Variants in RIN2 observed in about 807,000 individuals in gnomAD.
RIN2 encodes RAB5 interacting protein 2.
Under a neutral mutation model 78.0 loss-of-function variants are expected in RIN2, and 36 were observed. That is an observed-to-expected ratio of 0.46 (90% CI 0.35 to 0.61). The LOEUF (loss-of-function observed/expected upper bound fraction) is 0.61, where lower values mean the gene tolerates loss of function less well. RIN2 is among the 20% of genes least tolerant of loss of function. RIN2 has a pLI of 0.00. For missense variants in RIN2, 1,087 were observed against 1,159.7 expected (o/e 0.94, Z 0.91); for synonymous variants, 466 against 466.8 (o/e 1.00, Z 0.02).
At chr20:19,862,058 AT>A (rs2037361707) in intron 2 of RIN2, among the ~76,000 whole-genome samples, 1 of 152,034 alleles carries the variant, frequency 6.6e-6, no homozygotes, top group Non-Finnish European at 1.5e-5. Flanking sequence ...ACCTGATCAG[AT>A]TTCTTCACTG....
intron 2 of RIN2, among the ~76,000 whole-genome samples, chr20:19,873,482 G>T (rs899340953): frequency 3.3e-5 from 5 of 152,134 alleles, no homozygotes; most frequent in Admixed American, 6.5e-5. Context: ...TGCAGGCCAC[G>T]TAGTCTCTGT....
At chr20:19,808,151 A>C (rs542567527) in intron 2 of RIN2, among the ~76,000 whole-genome samples, 1 of 152,378 alleles carries the variant, frequency 6.6e-6, no homozygotes, top group East Asian at 1.9e-4. Flanking sequence ...CTTACAGTGC[A>C]TTCTAATTAA....
At chr20:19,886,539 A>T in intron 2 of RIN2, 1 of 586,570 alleles carries the variant, frequency 1.7e-6, no homozygotes, top group Non-Finnish European at 3.0e-6. Context: ...GGTGTTGTTG[A>T]AAGGGCTTGG....
intron 2 of RIN2, chr20:19,823,360 T>A (rs2035985144): frequency 1.6e-6 from 1 of 608,404 alleles, no homozygotes; most frequent in South Asian, 2.0e-5. Flanking sequence ...AGCAAGTGAG[T>A]GAATGGTGGT....
intron 3 of RIN2, among the ~76,000 whole-genome samples, chr20:19,925,811 A>G (rs6046456): frequency 0.2 from 30,369 of 152,182 alleles, 3,756 homozygotes; most frequent in East Asian, 0.36. Flanking sequence ...CCCGGGGAGC[A>G]ATGTGGCACC....
intron 4 of RIN2, among the ~76,000 whole-genome samples, chr20:19,953,857 A>G (rs1188444483): frequency 1.3e-5 from 2 of 152,168 alleles, no homozygotes; most frequent in African/African-American, 4.8e-5. Context: ...AACTGCAAAT[A>G]TTCACTTCCC....
intron 2 of RIN2, among the ~76,000 whole-genome samples, chr20:19,856,062 A>G (rs2123233009): frequency 6.6e-6 from 1 of 152,332 alleles, no homozygotes; most frequent in Non-Finnish European, 1.5e-5. Flanking sequence ...TGACACAGCA[A>G]GACTCCTTCT....
Position 19,814,300 on chromosome 20 carries a change from A to G in RIN2, c.-37+14553A>G, listed in dbSNP as rs950067401. On this transcript the variant is annotated intron_variant, in intron 2 of 12. Coordinates refer to ENST00000255006, the MANE Select transcript of RIN2 (RefSeq NM_018993.4). ...CAATCCAGCCGCTTGCCTGGGGCTC[A>G]GCTCCCTGGGGTGTTTGGACCCATG... Among the ~76,000 whole-genome samples, 144 of 152,184 alleles carry G rather than the reference A, an allele frequency of 9.5e-4. 1 individual carries two copies. Among genetic ancestry groups the G allele is most frequent in the Non-Finnish European group, 4.4e-5 (3 of 68,040 alleles).
intron 4 of RIN2, among the ~76,000 whole-genome samples, chr20:19,939,583 G>A (rs2040779702): frequency 6.6e-6 from 1 of 152,146 alleles, no homozygotes; most frequent in Non-Finnish European, 1.5e-5. Context: ...TCTATAAGAT[G>A]TGACACCCCA....
At chr20:19,792,739 A>G (rs1296707913) in intron 1 of RIN2, among the ~76,000 whole-genome samples, 4 of 152,210 alleles carry the variant, frequency 2.6e-5, no homozygotes, top group African/African-American at 9.6e-5. Context: ...CAGCTACAAA[A>G]TGAGCATATT....
intron 9 of RIN2, among the ~76,000 whole-genome samples, chr20:19,977,410 A>G (rs1020769002): frequency 3.2e-5 from 4 of 126,160 alleles, no homozygotes; most frequent in African/African-American, 1.1e-4. Flanking sequence ...TCCAAAAAAC[A>G]TGCTAAAATT....
chr20:19,851,728 C>T (rs1017465862), intron 2 of RIN2, among the ~76,000 whole-genome samples: 2 of 152,054 alleles, frequency 1.3e-5, no homozygotes, highest in Non-Finnish European at 2.9e-5. Context: ...TTCTCTTGGG[C>T]TCCCAAGAGC....
chr20:19,792,248 C>G (rs1325928844), intron 1 of RIN2, among the ~76,000 whole-genome samples: 1 of 152,200 alleles, frequency 6.6e-6, no homozygotes, highest in Non-Finnish European at 1.5e-5. Flanking sequence ...TGGTCACCCT[C>G]ATCAATGCAC....
At chr20:19,776,262 A>G (rs1237120143) in intron 1 of RIN2, among the ~76,000 whole-genome samples, 1 of 152,096 alleles carries the variant, frequency 6.6e-6, no homozygotes, top group African/African-American at 2.4e-5. Context: ...CAACACAGAA[A>G]CCTTAAGACT....
intron 3 of RIN2, among the ~76,000 whole-genome samples, chr20:19,919,332 C>T (rs572463343): frequency 6.6e-6 from 1 of 152,340 alleles, no homozygotes; most frequent in East Asian, 1.9e-4. Flanking sequence ...TTGACCTATA[C>T]ACCTGCAGGC....
chr20:19,853,039 C>G (rs533980220), intron 2 of RIN2, among the ~76,000 whole-genome samples: 11 of 129,928 alleles, frequency 8.5e-5, no homozygotes, highest in Admixed American at 1.6e-4. Flanking sequence ...CCCCTCCCCC[C>G]ACCCCATGAC....
intron 2 of RIN2, among the ~76,000 whole-genome samples, chr20:19,829,353 A>C (rs2122982122): frequency 6.6e-6 from 1 of 152,280 alleles, no homozygotes; most frequent in Non-Finnish European, 1.5e-5. Flanking sequence ...TGAAGCCAAA[A>C]AAAGAAAAAA....
intron 1 of RIN2, among the ~76,000 whole-genome samples, chr20:19,779,577 AC>A (rs760525814): frequency 1.3e-5 from 2 of 152,202 alleles, no homozygotes; most frequent in Non-Finnish European, 2.9e-5. Flanking sequence ...ATCTATGTTG[AC>A]CCCTAGGATG....
chr20:19,902,674 T>C (rs138064629), intron 3 of RIN2, among the ~76,000 whole-genome samples: 35 of 152,202 alleles, frequency 2.3e-4, no homozygotes, highest in Non-Finnish European at 4.9e-4. Context: ...GAAGGTGGGG[T>C]TGCAGATCTA....
Sources: gnomAD v4.1 joint callset for allele counts (sites outside exome capture counted in the v4.1 genomes callset) on GRCh38, gnomAD v4.1.1 for gene constraint, MANE v1.5 for transcripts, NCBI Gene and HGNC (gene_info 2026-07-23, HGNC 2026-07-21) for gene names.